Variants in REV3L observed in about 807,000 individuals in gnomAD.
REV3L encodes REV3 like, DNA directed polymerase zeta catalytic subunit, also known as DNA polymerase zeta catalytic subunit.
A neutral mutation model predicts 299.4 loss-of-function variants in REV3L; 69 were observed. That is an observed-to-expected ratio of 0.23 (90% CI 0.19 to 0.28). REV3L has a LOEUF of 0.28. REV3L is among the 10% of genes least tolerant of loss of function. The pLI is 1.00. For synonymous variants in REV3L, 1,238 were observed against 1,271.4 expected (o/e 0.97, Z 0.56); for missense variants, 3,128 against 3,693.8 (o/e 0.85, Z 3.97).
In REV3L at chr6:111,326,625, T is replaced by A. The variant is rs578158169; in HGVS notation, c.8241+2907A>T. ...TATATACCCCCCCCAAAAAAAAAAA[T>A]GGAAATCGGTACATTGAATTGATAT... On this transcript the variant is annotated intron_variant, in intron 25 of 31. Coordinates refer to ENST00000368802, the MANE Select transcript of REV3L (RefSeq NM_001372078.1). Among the ~76,000 whole-genome samples, 91 of 145,714 alleles carry A rather than the reference T, an allele frequency of 6.2e-4. 1 individual carries two copies. Among genetic ancestry groups the A allele is most frequent in the African/African-American group, 2.1e-3 (84 of 40,440 alleles).
At chr6:111,362,400 A>T (rs868749806) in intron 16 of REV3L, among the ~76,000 whole-genome samples, 62 of 152,358 alleles carry the variant, frequency 4.1e-4, no homozygotes, top group African/African-American at 1.5e-3. Context: ...TGAGAAAAAA[A>T]ACCACACTTA....
intron 1 of REV3L, among the ~76,000 whole-genome samples, chr6:111,442,911 G>T (rs2128309338): frequency 6.6e-6 from 1 of 152,302 alleles, no homozygotes; most frequent in South Asian, 2.1e-4. Flanking sequence ...GTGTGTGTGT[G>T]TGTCCTGTTT....
In REV3L at chr6:111,374,105, G is replaced by A. The variant is rs372633509; in HGVS notation, c.4250C>T (p.Pro1417Leu). ...LESKLDQAYT[P>L]NFLHCKDSQQ... is the part of the protein sequence containing the mutation. ...ACTGTCTTTGCAATGCAAAAAATTA[G>A]GGGTATATGCTTGGTCCAGCTTTGA... Residue 1417 changes from proline to leucine, a missense_variant, in exon 13 of 32, where the codon CCT becomes CTT. Pro to Leu is a moderately conservative substitution (Grantham distance 98). This residue lies in a region of REV3L where 2,409 missense variants were observed against 2,611.8 expected (regional missense o/e 0.92). Transcript: ENST00000368802. The A allele has an allele frequency of 6.2e-7, 1 of 1,614,092 alleles. No homozygotes were observed. Among genetic ancestry groups the A allele is most frequent in the Non-Finnish European group, 8.5e-7 (1 of 1,179,986 alleles).
chr6:111,422,649 CATATATATATAT>C (rs58760555), intron 1 of REV3L, among the ~76,000 whole-genome samples: 3 of 22,488 alleles, frequency 1.3e-4, no homozygotes, highest in East Asian at 1.0e-3. Flanking sequence ...TATATATATA[CATATATATATAT>C]ACATATATAT....
chr6:111,431,781 T>C, intron 1 of REV3L: 1 of 736,264 alleles, frequency 1.4e-6, no homozygotes, highest in Non-Finnish European at 2.5e-6. Flanking sequence ...CTGGTGGAAG[T>C]TGAGGCCACC....
At position 111,392,943 on chromosome 6, in the gene REV3L, T is replaced by C. The variant is rs1394342654; in HGVS notation, c.595A>G (p.Lys199Glu). 1.2e-6 allele frequency: 2 copies of C among 1,612,072 alleles called. No homozygotes were observed. Among genetic ancestry groups the C allele is most frequent in the South Asian group, 1.1e-5 (1 of 91,054 alleles). The change falls in exon 5 of 32, where the codon AAG becomes GAG. Residue 199 changes from lysine to glutamate, a missense_variant. Lys to Glu is a moderately conservative substitution (Grantham distance 56). This residue lies in a region of REV3L where 2,409 missense variants were observed against 2,611.8 expected (regional missense o/e 0.92). Coordinates refer to ENST00000368802, the MANE Select transcript of REV3L (RefSeq NM_001372078.1). The stretch of plus-strand genomic sequence containing the variant: ...AGAGAATTTCCTGATAAATGATTCT[T>C]GCAGGATCCAGTTGCATGCAATGTA... ...SNTLHATGSC[K>E]NHLSGNSLAD...
chr6:111,367,135 C>T lies in REV3L; in HGVS notation c.6653G>A (p.Gly2218Asp), dbSNP rs1779307153. ...KLLERLPEAP[G>D]LSPLSTEPKT... ...CTTACCTGTTGATAATGGGCTAAGG[C>T]CAGGTGCTTCAGGAAGCCTTTCCAG... Residue 2218 changes from glycine (G) to aspartate (D), a missense_variant, in exon 14 of 32, where the codon GGC (glycine) becomes GAC (aspartate). Physicochemically the swap from Gly to Asp is moderately conservative, Grantham distance 94 (BLOSUM62 -1). This residue lies in a region of REV3L where 2,409 missense variants were observed against 2,611.8 expected (regional missense o/e 0.92). Transcript: ENST00000368802. 1 of 1,600,856 alleles carries T rather than the reference C, an allele frequency of 6.2e-7. No individual in the cohort carries two copies. Among genetic ancestry groups the T allele is most frequent in the African/African-American group, 1.3e-5 (1 of 74,108 alleles).
Position 111,430,120 on chromosome 6 carries a change from A to ATG in REV3L, c.140-13650_140-13649dup. 5.1e-6 allele frequency: 4 copies of ATG among 790,238 alleles called. No homozygotes were observed. In the Admixed American group the frequency reaches 6.8e-5, roughly 13 times the overall value. 49.0% of individuals were successfully genotyped at this position (790,238 alleles called of 1,614,324 possible). On this transcript the variant is annotated intron_variant, in intron 1 of 31. Transcript: ENST00000368802. ...AAGCGAGATTGAGACGGGGTGGAGA[A>ATG]TGAGGCAGAAAAAGACCTCCAGTGT... is the stretch of plus-strand genomic sequence containing the variant.
intron 31 of REV3L, among the ~76,000 whole-genome samples, chr6:111,300,739 T>C (rs1771402378): frequency 6.6e-6 from 1 of 152,232 alleles, no homozygotes; most frequent in Non-Finnish European, 1.5e-5. Context: ...AATACTCTTA[T>C]AATTTCCTAT....
rs773146155 is a variant in REV3L, at chr6:111,374,699, G to A, written c.3656C>T (p.Thr1219Ile). Residue 1219 changes from threonine (T) to isoleucine (I), a missense_variant, in exon 13 of 32, where the codon ACA becomes ATA. By Grantham distance (89) the Thr-to-Ile change is moderately conservative. This residue lies in a region of REV3L where 2,409 missense variants were observed against 2,611.8 expected (regional missense o/e 0.92). Transcript: ENST00000368802. Reference protein sequence around the residue: ...RAKQKTNEKGTSRKHTTLKDE... With the variant: ...RAKQKTNEKGISRKHTTLKDE... ...CTTAAGTGTTGTATGCTTTCTCGAT[G>A]TACCTTTCTCATTTGTTTTTTGTTT... 17 of 1,613,034 alleles carry A rather than the reference G, an allele frequency of 1.1e-5. No individual in the cohort carries two copies. The South Asian group carries it at 1.5e-4, about 15-fold the overall frequency.
chr6:111,405,613 T>G lies in REV3L; in HGVS notation c.422A>C (p.Gln141Pro), dbSNP rs146638662. 6.3e-7 allele frequency: 1 copy of G among 1,598,164 alleles called. No individual in the cohort carries two copies. Among genetic ancestry groups the G allele is most frequent in the Non-Finnish European group, 8.5e-7 (1 of 1,174,832 alleles). Residue 141 changes from glutamine to proline, a missense_variant, in exon 4 of 32, where the codon CAA becomes CCA. By Grantham distance (76) the Gln-to-Pro change is moderately conservative (BLOSUM62 -1). Transcript: ENST00000368802. ...AAATTTATTCATTATGGCTCCGCTT[T>G]GCAAAAGTTCACATATCCTAAATTA... is the stretch of plus-strand genomic sequence containing the variant. ...TMVKRICELLQSGAIMNKFYQ... is the reference protein window; with the variant it reads ...TMVKRICELLPSGAIMNKFYQ...
chr6:111,326,827 G>C (rs1774878473), intron 25 of REV3L, among the ~76,000 whole-genome samples: 1 of 151,724 alleles, frequency 6.6e-6, no homozygotes, highest in African/African-American at 2.4e-5. Flanking sequence ...AAAAGTGGCT[G>C]ATATCTTCCA....
chr6:111,344,228 A>G (rs572794869), intron 20 of REV3L, among the ~76,000 whole-genome samples, 185 bp from the exon 21 acceptor site: 38 of 152,358 alleles, frequency 2.5e-4, no homozygotes, highest in Admixed American at 2.3e-3. Context: ...AGAAATGTTC[A>G]TAACAAATTG....
chr6:111,353,223 C>A (rs1281100483), intron 18 of REV3L, among the ~76,000 whole-genome samples: 1 of 152,142 alleles, frequency 6.6e-6, no homozygotes, highest in East Asian at 1.9e-4. Flanking sequence ...TCTGGCATAA[C>A]AATGGATCAT....
Position 111,483,111 on chromosome 6 carries a change from T to A in REV3L, c.-223A>T. ...GCAAGGGGCCGCAGGAGAGAAGCCC[T>A]CGAGCTTTCGTCGGTGCTGGTGCTG... On this transcript the variant is annotated 5_prime_UTR_variant, in exon 1 of 32. Transcript: ENST00000368802. 1 of 514,890 alleles carries A rather than the reference T, an allele frequency of 1.9e-6. No individual in the cohort carries two copies. The allele number at this position is 514,890 out of a possible 1,614,324, so 31.9% of individuals were successfully genotyped here.
intron 1 of REV3L, among the ~76,000 whole-genome samples, chr6:111,427,265 T>C (rs1335605844): frequency 2.0e-5 from 3 of 152,166 alleles, no homozygotes; most frequent in Admixed American, 6.5e-5. Context: ...TAAAGGACCT[T>C]AAGCTTTTAC....
At chr6:111,315,206 C>T in intron 27 of REV3L, 61 bp downstream of exon 27, 1 of 1,303,474 alleles carries the variant, frequency 7.7e-7, no homozygotes, top group Admixed American at 1.9e-5. Context: ...CTGAACAAAT[C>T]AGAGGTCTCT....
chr6:111,480,274 G>GTAAAGATATAAACTA (rs1299765264), intron 1 of REV3L, among the ~76,000 whole-genome samples: 5 of 152,024 alleles, frequency 3.3e-5, no homozygotes, highest in Admixed American at 1.3e-4. Context: ...TTACTTGTTA[G>GTAAAGATATAAACTA]TAAAGATATA....
intron 25 of REV3L, among the ~76,000 whole-genome samples, chr6:111,324,063 G>A (rs1774482109): frequency 6.6e-6 from 1 of 152,098 alleles, no homozygotes; most frequent in Non-Finnish European, 1.5e-5. Flanking sequence ...GCAGTGGTGT[G>A]AGCTTGGCTC....
Sources: allele counts gnomAD v4.1 joint callset (sites outside exome capture counted in the v4.1 genomes callset), GRCh38; gene constraint gnomAD v4.1.1; regional missense constraint gnomAD v4.1.1; transcripts MANE v1.5; gene names NCBI Gene and HGNC (gene_info 2026-07-23, HGNC 2026-07-21).